LAMA3: variants seen among roughly 807,000 people sequenced by gnomAD.
LAMA3 encodes the protein laminin subunit alpha-3.
Under a neutral mutation model 402.0 loss-of-function variants are expected in LAMA3, and 281 were observed. That is an observed-to-expected ratio of 0.70 (90% CI 0.63 to 0.77). The LOEUF (loss-of-function observed/expected upper bound fraction) is 0.77, where lower values mean the gene tolerates loss of function less well. Ranked by LOEUF, LAMA3 falls within the 30% of genes least tolerant of loss-of-function variation. LAMA3 has a pLI of 0.00. For synonymous variants in LAMA3, 1,431 were observed against 1,558.4 expected, an observed-to-expected ratio of 0.92 and a Z score of 1.93; for missense variants, 3,840 against 4,215.5, an observed-to-expected ratio of 0.91 and a Z score of 2.47.
At chr18:23,773,717 A>G (rs1369868127) in intron 9 of LAMA3, 130 bp downstream of exon 9, 1 of 700,744 alleles carries the variant, frequency 1.4e-6, no homozygotes, top group Non-Finnish European at 2.6e-6. Context: ...TGTGCTCGCT[A>G]TGTGACCTCA....
rs758630001 is a variant in LAMA3 at position 23,951,689 on chromosome 18, G to C, written c.9648G>C (p.Thr3216=). 2 of 1,613,584 alleles carry C rather than the reference G, an allele frequency of 1.2e-6. No homozygotes were observed. Among genetic ancestry groups the C allele is most frequent in the Admixed American group, 3.3e-5 (2 of 60,000 alleles). Residue 3216 remains threonine, a synonymous_variant, in exon 73 of 75, where the codon ACG becomes ACC. Transcript: ENST00000313654. ...AAAATGCATGTGTGTTCCAGGTCAC[G>C]GCCTCTATGGACAGTGGGGCAGGTG... The part of the protein sequence containing the change: ...LCVYLEAGKV[T]ASMDSGAGGT...
chr18:23,861,811 A>G lies in LAMA3; in HGVS notation c.4584+4A>G. 5 of 1,611,350 alleles carry G rather than the reference A, an allele frequency of 3.1e-6. No individual in the cohort carries two copies. Among genetic ancestry groups the G allele is most frequent in the South Asian group, 1.1e-5 (1 of 90,556 alleles). On this transcript the variant is annotated splice_donor_region_variant and intron_variant, in intron 35 of 74. Coordinates refer to ENST00000313654, the MANE Select transcript of LAMA3 (RefSeq NM_198129.4). ...CACCTCCTACCTGGGGGACAAGGTA[A>G]TGATGTCCTGCTGTTCTTCTGGGCC...
In LAMA3 at chr18:23,842,496, G is replaced by T. The variant is rs752636017; in HGVS notation, c.3438G>T (p.Ser1146=). Residue 1146 remains serine, a synonymous_variant, in exon 28 of 75, where the codon TCG becomes TCT. Transcript: ENST00000313654. ...AAHPTFPAQV[S]VDGGWPRAGS... is the part of the protein sequence containing the mutation. The stretch of plus-strand genomic sequence containing the variant: ...ACCCGACGTTTCCCGCGCAGGTGTC[G>T]GTGGATGGCGGGTGGCCACGGGCAG... 1 of 1,614,196 alleles carries T rather than the reference G, an allele frequency of 6.2e-7. No homozygotes were observed. The highest frequency in any genetic ancestry group is 1.1e-5 in the South Asian group (1 of 91,080).
chr18:23,860,811 A>C (rs1186686701), intron 34 of LAMA3, among the ~76,000 whole-genome samples: 2 of 149,272 alleles, frequency 1.3e-5, no homozygotes, highest in African/African-American at 2.5e-5. Flanking sequence ...CTTCTGCCTC[A>C]GGCTCCTGAG....
At chr18:23,810,153 T>C (rs1051992746) in intron 12 of LAMA3, among the ~76,000 whole-genome samples, 5 of 152,120 alleles carry the variant, frequency 3.3e-5, no homozygotes, top group African/African-American at 1.2e-4. Context: ...AGTTATCAAA[T>C]AAAAATTAGT....
At chr18:23,773,862 G>A (rs2062256632) in intron 9 of LAMA3, among the ~76,000 whole-genome samples, 1 of 152,154 alleles carries the variant, frequency 6.6e-6, no homozygotes, top group Admixed American at 6.5e-5. Context: ...CACATATTAG[G>A]CCTGTGATAA....
intron 64 of LAMA3, among the ~76,000 whole-genome samples, chr18:23,930,121 A>C (rs1323226243): frequency 6.6e-6 from 1 of 152,258 alleles, no homozygotes; most frequent in Non-Finnish European, 1.5e-5. Context: ...TTACCAAAGA[A>C]TCACATCTTG....
intron 1 of LAMA3, chr18:23,710,061 A>G (rs1255468295): frequency 3.9e-6 from 3 of 763,228 alleles, no homozygotes; most frequent in East Asian, 5.1e-5. Context: ...CAGAAACTTG[A>G]TGATAGCATA....
intron 34 of LAMA3, 150 bp from the exon 35 acceptor site, chr18:23,861,496 G>A (rs1379868881): frequency 1.1e-5 from 9 of 797,446 alleles, no homozygotes; most frequent in Admixed American, 6.1e-5. Flanking sequence ...GCTCTGGCTC[G>A]GGAGGGCAGG....
chr18:23,894,117 T>C (rs1156889196), intron 42 of LAMA3, among the ~76,000 whole-genome samples, 181 bp from the exon 43 acceptor site: 1 of 152,138 alleles, frequency 6.6e-6, no homozygotes, highest in Non-Finnish European at 1.5e-5. Flanking sequence ...GTTGGGTGTC[T>C]ATTAGGTTGG....
Position 23,898,992 on chromosome 18 carries a change from CAAT to C in LAMA3, c.5764_5766del (p.Asn1922del). 6.2e-7 allele frequency: 1 copy of C among 1,613,874 alleles called. No individual in the cohort carries two copies. The highest frequency in any genetic ancestry group is 8.5e-7 in the Non-Finnish European group (1 of 1,179,866). On this transcript the variant is annotated inframe_deletion, in exon 46 of 75. Transcript: ENST00000313654. The stretch of plus-strand genomic sequence containing the variant: ...CCAGAAAAGCACAAACATTAAACAA[CAAT>C]GTTAATCGGGCAACACAAAGCGCAA...
chr18:23,749,491 A>T lies in LAMA3; in HGVS notation c.629A>T (p.Asp210Val). ...REANMAVTRD[D>V]DVLCVTEYSR... ...GCAAATATGGCTGTCACCCGGGATG[A>T]TGATGTACTTTGTGTTACTGAATAT... Residue 210 changes from aspartate to valine, a missense_variant, in exon 4 of 75, where the codon GAT becomes GTT. This residue lies in a region of LAMA3 where 2,109 missense variants were observed against 2,376.0 expected (regional missense o/e 0.89). Coordinates refer to ENST00000313654, the MANE Select transcript of LAMA3 (RefSeq NM_198129.4). The T allele has an allele frequency of 6.2e-7, 1 of 1,613,546 alleles. No individual in the cohort carries two copies. The highest frequency in any genetic ancestry group is 8.5e-7 in the Non-Finnish European group (1 of 1,179,430).
chr18:23,698,237 T>C (rs1160664552), intron 1 of LAMA3, among the ~76,000 whole-genome samples: 1 of 147,914 alleles, frequency 6.8e-6, no homozygotes, highest in Non-Finnish European at 1.5e-5. Context: ...GACGGAGTCT[T>C]GCTCTGTCAC....
intron 40 of LAMA3, among the ~76,000 whole-genome samples, chr18:23,882,811 T>C (rs1316591673): frequency 6.6e-6 from 1 of 152,120 alleles, no homozygotes; most frequent in Non-Finnish European, 1.5e-5. Context: ...CCTGTTCTCC[T>C]GGGGCTTGAC....
At chr18:23,849,516 C>T (rs1008536153) in intron 32 of LAMA3, among the ~76,000 whole-genome samples, 1 of 152,224 alleles carries the variant, frequency 6.6e-6, no homozygotes, top group Non-Finnish European at 1.5e-5. Context: ...GCAAATGGAA[C>T]TTCACACACA....
chr18:23,941,179 G>A (rs551740974), intron 68 of LAMA3, among the ~76,000 whole-genome samples: 5 of 151,696 alleles, frequency 3.3e-5, no homozygotes, highest in African/African-American at 7.3e-5. Context: ...CTCGTGATCC[G>A]CCCACCTCGG....
At chr18:23,810,716 A>AT (rs1209849378) in intron 13 of LAMA3, among the ~76,000 whole-genome samples, 12 of 152,232 alleles carry the variant, frequency 7.9e-5, no homozygotes, top group Admixed American at 3.3e-4. Context: ...TCCAGAAATG[A>AT]TTTTTTTAAC....
chr18:23,783,210 C>A (rs966517049), intron 11 of LAMA3, among the ~76,000 whole-genome samples: 1 of 152,102 alleles, frequency 6.6e-6, no homozygotes, highest in South Asian at 2.1e-4. Context: ...AACGGCAAGG[C>A]CTGTAGTGAC....
chr18:23,880,902 AC>A (rs2064874250), intron 39 of LAMA3, among the ~76,000 whole-genome samples: 1 of 152,128 alleles, frequency 6.6e-6, no homozygotes, highest in African/African-American at 2.4e-5. Flanking sequence ...AAAAAGCAAA[AC>A]ACAAAACCCC....
Sources: allele counts gnomAD v4.1 joint callset (sites outside exome capture counted in the v4.1 genomes callset), GRCh38; gene constraint gnomAD v4.1.1; regional missense constraint gnomAD v4.1.1; transcripts MANE v1.5; gene names NCBI Gene and HGNC (gene_info 2026-07-23, HGNC 2026-07-21).